The following PCNX3 variants were observed in gnomAD, a reference collection of about 807,000 sequenced individuals.
The protein encoded by PCNX3 is pecanex 3, also known as pecanex-like protein 3.
Under a neutral mutation model 207.2 loss-of-function variants are expected in PCNX3, and 58 were observed. The ratio of observed to expected loss-of-function variants is 0.28; its 90% CI spans 0.23 to 0.35. The LOEUF (loss-of-function observed/expected upper bound fraction) is 0.35. Among genes scored for constraint, PCNX3 ranks in the 10% least tolerant of loss-of-function variants. PCNX3 has a pLI of 1.00. For missense variants in PCNX3, 2,410 were observed against 2,774.4 expected (o/e 0.87, Z 2.95); for synonymous variants, 1,337 against 1,183.5 (o/e 1.13, Z -2.66).
rs777675611 is a variant in PCNX3 at position 65,616,957 on chromosome 11, C to G, written c.287C>G (p.Ser96Cys). Residue 96 changes from serine (S) to cysteine (C), a missense_variant, in exon 2 of 35, where the codon TCT (serine) becomes TGT (cysteine). Physicochemically the swap from Ser to Cys is moderately radical, Grantham distance 112. Around this residue, in one of 8 missense-constraint regions of PCNX3, gnomAD observed 1,104 missense variants for 970.3 expected, o/e 1.14. Coordinates refer to ENST00000355703, the MANE Select transcript of PCNX3 (RefSeq NM_032223.4). ...GGCGAGATCGTGGAGAAGCGCAGCTCTACCATGGGGGAGCTGGAGGAAGAG... is the reference window on the plus strand; with the variant it reads ...GGCGAGATCGTGGAGAAGCGCAGCTGTACCATGGGGGAGCTGGAGGAAGAG... The part of the protein sequence containing the change: ...DQGEIVEKRS[S>C]TMGELEEEPA... 1 of 1,613,280 alleles carries G rather than the reference C, an allele frequency of 6.2e-7. No homozygotes were observed. Among genetic ancestry groups the G allele is most frequent in the Non-Finnish European group, 8.5e-7 (1 of 1,179,816 alleles).
At chr11:65,623,448 G>A (rs1855215948) in intron 11 of PCNX3, 43 bp from the exon 12 acceptor site, 1 of 1,541,512 alleles carries the variant, frequency 6.5e-7, no homozygotes, top group Admixed American at 2.0e-5. Context: ...CCCACTGGAA[G>A]GTGAGGCAAG....
At position 65,616,310 on chromosome 11, in the gene PCNX3, C is replaced by T. The variant is rs752526164; in HGVS notation, c.-2C>T. The T allele has an allele frequency of 1.9e-6, 3 of 1,572,832 alleles. No individual in the cohort carries two copies. Among genetic ancestry groups the T allele is most frequent in the South Asian group, 1.1e-5 (1 of 87,612 alleles). On this transcript the variant is annotated 5_prime_UTR_variant, in exon 1 of 35. Transcript: ENST00000355703. ...GGGGGCGCGGGCAGCAGCGGCGGGG[C>T]CATGGGGTCGCAGGTGTTGCAGATC...
chr11:65,624,859 C>A, intron 15 of PCNX3, 66 bp from the exon 16 acceptor site: 1 of 1,466,612 alleles, frequency 6.8e-7, no homozygotes, highest in South Asian at 1.2e-5. Flanking sequence ...TGAGGGGAAG[C>A]GCGGCTAGGG....
chr11:65,619,631 TCC>T lies in PCNX3; in HGVS notation c.1801_1802del (p.Pro601SerfsTer49). The T allele has an allele frequency of 6.2e-7, 1 of 1,601,784 alleles. No individual in the cohort carries two copies. Among genetic ancestry groups the T allele is most frequent in the Admixed American group, 1.7e-5 (1 of 59,570 alleles). ...RHNAGSNPTP[P>X]ASVMGSPPSS... ...ACAATGCAGGCAGCAACCCCACCCC[TCC>T]AGCCTCTGTCATGGGCTCGCCGCCC... On this transcript the variant is annotated frameshift_variant, in exon 7 of 35. Transcript: ENST00000355703. LOFTEE classifies it high-confidence loss of function.
intron 11 of PCNX3, 137 bp from the exon 12 acceptor site, chr11:65,623,354 G>GT: frequency 8.6e-7 from 1 of 1,165,560 alleles, no homozygotes; most frequent in East Asian, 2.8e-5. Context: ...AGTTATAGGT[G>GT]TTCACATCTT....
At position 65,625,595 on chromosome 11, in the gene PCNX3, T is replaced by TGGGCAGCTGAGTGTCTCTCCTGGCC. The variant is rs1239199033; in HGVS notation, c.3136-46_3136-22dup. On this transcript the variant is annotated intron_variant, in intron 18 of 34. Transcript: ENST00000355703. The surrounding 1 kb of genome is among the most constrained non-coding windows in gnomAD (Gnocchi z 5.6). Reference sequence around the variant, plus strand: ...GAGGGGCATGTCCAGCTTGGGCTGCTGGGCAGCTGAGTGTCTCTCCTGGCC... The same window carrying TGGGCAGCTGAGTGTCTCTCCTGGCC: ...GAGGGGCATGTCCAGCTTGGGCTGCTGGGCAGCTGAGTGTCTCTCCTGGCCGGGCAGCTGAGTGTCTCTCCTGGCC... 1.0e-5 allele frequency: 16 copies of TGGGCAGCTGAGTGTCTCTCCTGGCC among 1,595,642 alleles called. No homozygotes were observed. Among genetic ancestry groups the TGGGCAGCTGAGTGTCTCTCCTGGCC allele is most frequent in the Non-Finnish European group, 1.3e-5 (15 of 1,170,636 alleles).
rs758027900 is a variant in PCNX3, at chr11:65,617,328, G to T, written c.420G>T (p.Val140=). ...TGCGCTGCAGCTCCCAGCACTCTGT[G>T]TTTGGCTTCAACCAGGTCTCGGTGA... is the stretch of plus-strand genomic sequence containing the variant. ...PPVRCSSQHS[V]FGFNQVSELL... The change falls in exon 3 of 35, where the codon GTG becomes GTT. Residue 140 remains valine, a synonymous_variant. Coordinates refer to ENST00000355703, the MANE Select transcript of PCNX3 (RefSeq NM_032223.4). 1 of 1,613,106 alleles carries T rather than the reference G, an allele frequency of 6.2e-7. No homozygotes were observed. Among genetic ancestry groups the T allele is most frequent in the Non-Finnish European group, 8.5e-7 (1 of 1,179,556 alleles).
intron 25 of PCNX3, 46 bp from the exon 26 acceptor site, chr11:65,629,474 G>C: frequency 6.2e-7 from 1 of 1,611,072 alleles, no homozygotes; most frequent in African/African-American, 1.3e-5. Context: ...AGGGAGCCTC[G>C]CTAACTTGTC....
rs1565172977 is a variant in PCNX3 at position 65,635,195 on chromosome 11, C to G, written c.4954-23C>G. On this transcript the variant is annotated intron_variant, in intron 30 of 34. Transcript: ENST00000355703. The surrounding 1 kb of genome is among the most constrained non-coding windows in gnomAD (Gnocchi z 9.9). ...CTCTCCAGGGCAGGGGCCACTGACC[C>G]CTGTTCCCGTCTTCTCTACCAGGAC... 3 of 1,594,656 alleles carry G rather than the reference C, an allele frequency of 1.9e-6. No individual in the cohort carries two copies. In the East Asian group the frequency reaches 6.8e-5, roughly 36 times the overall value.
chr11:65,625,623 G>C lies in PCNX3; in HGVS notation c.3136-29G>C. 1 of 1,602,690 alleles carries C rather than the reference G, an allele frequency of 6.2e-7. No individual in the cohort carries two copies. Among genetic ancestry groups the C allele is most frequent in the East Asian group, 2.2e-5 (1 of 44,664 alleles). ...GCAGCTGAGTGTCTCTCCTGGCCGG[G>C]CAGCTGAATGTCTCTCCTGGCCCTG... On this transcript the variant is annotated intron_variant, in intron 18 of 34. Transcript: ENST00000355703. This position sits in a 1 kb window ranked among gnomAD's most constrained non-coding sequence, Gnocchi z 5.6.
chr11:65,619,391 G>A (rs1377790399), intron 6 of PCNX3, 146 bp from the exon 7 acceptor site: 1 of 1,420,704 alleles, frequency 7.0e-7, no homozygotes, highest in African/African-American at 1.4e-5. Context: ...AACTGAGCAT[G>A]GGGCTGTGTG....
Position 65,625,832 on chromosome 11 carries a change from T to C in PCNX3, c.3229-72T>C. On this transcript the variant is annotated intron_variant, in intron 19 of 34. Transcript: ENST00000355703. This position sits in a 1 kb window ranked among gnomAD's most constrained non-coding sequence, Gnocchi z 5.6. Reference sequence around the variant, plus strand: ...TGCCGTGGGCAGCCCCTCCCCGGCCTGTGCCAGGTGGCCCTCTGTGGTCCC... The same window carrying C: ...TGCCGTGGGCAGCCCCTCCCCGGCCCGTGCCAGGTGGCCCTCTGTGGTCCC... The C allele has an allele frequency of 6.3e-7, 1 of 1,597,412 alleles. No homozygotes were observed. Among genetic ancestry groups the C allele is most frequent in the Non-Finnish European group, 8.5e-7 (1 of 1,171,100 alleles).
Position 65,625,820 on chromosome 11 carries a change from C to T in PCNX3, c.3228+76C>T. The T allele has an allele frequency of 6.3e-7, 1 of 1,595,214 alleles. No individual in the cohort carries two copies. Among genetic ancestry groups the T allele is most frequent in the Non-Finnish European group, 8.5e-7 (1 of 1,170,640 alleles). Reference sequence around the variant, plus strand: ...GCTCAATCTGAGTGCCGTGGGCAGCCCCTCCCCGGCCTGTGCCAGGTGGCC... The same window carrying T: ...GCTCAATCTGAGTGCCGTGGGCAGCTCCTCCCCGGCCTGTGCCAGGTGGCC... On this transcript the variant is annotated intron_variant, in intron 19 of 34. Transcript: ENST00000355703. This position sits in a 1 kb window ranked among gnomAD's most constrained non-coding sequence, Gnocchi z 5.6.
At position 65,623,618 on chromosome 11, in the gene PCNX3, G is replaced by A. The variant is rs772906684; in HGVS notation, c.2485G>A (p.Ala829Thr). The stretch of plus-strand genomic sequence containing the variant: ...GGTCTTCCAGTTCTGCCTGGTCATC[G>A]CCTCCTGCCAGTACTCCTTGCTGAA... ...IWVFQFCLVI[A>T]SCQYSLLKSV... is the part of the protein sequence containing the mutation. Residue 829 changes from alanine (A) to threonine (T), a missense_variant, in exon 12 of 35, where the codon GCC (alanine) becomes ACC (threonine). Around this residue, in one of 8 missense-constraint regions of PCNX3, gnomAD observed 177 missense variants for 257.5 expected, o/e 0.69. Coordinates refer to ENST00000355703, the MANE Select transcript of PCNX3 (RefSeq NM_032223.4). 1 of 1,613,764 alleles carries A rather than the reference G, an allele frequency of 6.2e-7. No homozygotes were observed. Among genetic ancestry groups the A allele is most frequent in the Non-Finnish European group, 8.5e-7 (1 of 1,179,756 alleles).
In PCNX3 at chr11:65,636,648, C is replaced by G; in HGVS notation, c.5851C>G (p.Pro1951Ala). 1 of 1,584,688 alleles carries G rather than the reference C, an allele frequency of 6.3e-7. No individual in the cohort carries two copies. Reference protein sequence around the residue: ...RKGLGGSDGEPASGSPKGGTP... With the variant: ...RKGLGGSDGEAASGSPKGGTP... ...GGGGCTGGGAGGATCTGACGGGGAG[C>G]CAGCCTCAGGGAGCCCCAAAGGAGG... The change falls in exon 34 of 35, where the codon CCA becomes GCA. Residue 1951 changes from proline to alanine, a missense_variant. Physicochemically the swap from Pro to Ala is conservative, Grantham distance 27 (BLOSUM62 -1). Transcript: ENST00000355703.
chr11:65,629,548 C>T lies in PCNX3; in HGVS notation c.4029C>T (p.Ile1343=), dbSNP rs1217593484. The T allele has an allele frequency of 1.9e-6, 3 of 1,613,744 alleles. No homozygotes were observed. Among genetic ancestry groups the T allele is most frequent in the South Asian group, 1.1e-5 (1 of 91,066 alleles). ...PGADDNNLNS[I]FYEHLTRSLQ... ...CTGATGACAACAACCTCAACTCCAT[C>T]TTCTATGAGCACTTGACACGTTCGC... The change falls in exon 26 of 35, where the codon ATC becomes ATT. Residue 1343 remains isoleucine, a synonymous_variant. Transcript: ENST00000355703.
In PCNX3 at chr11:65,619,614, G is replaced by A; in HGVS notation, c.1783G>A (p.Gly595Ser). The stretch of plus-strand genomic sequence containing the variant: ...GGCCATTCGGAGACGCCACAATGCA[G>A]GCAGCAACCCCACCCCTCCAGCCTC... Reference protein sequence around the residue: ...TQAIRRRHNAGSNPTPPASVM... With the variant: ...TQAIRRRHNASSNPTPPASVM... Residue 595 changes from glycine (G) to serine (S), a missense_variant, in exon 7 of 35, where the codon GGC becomes AGC. Around this residue, in one of 8 missense-constraint regions of PCNX3, gnomAD observed 1,104 missense variants for 970.3 expected, o/e 1.14. Coordinates refer to ENST00000355703, the MANE Select transcript of PCNX3 (RefSeq NM_032223.4). 6.2e-7 allele frequency: 1 copy of A among 1,605,288 alleles called. No homozygotes were observed. Among genetic ancestry groups the A allele is most frequent in the Non-Finnish European group, 8.5e-7 (1 of 1,178,726 alleles).
chr11:65,619,664 AG>A lies in PCNX3; in HGVS notation c.1829+5del, dbSNP rs1854972168. The A allele has an allele frequency of 6.3e-7, 1 of 1,594,054 alleles. No homozygotes were observed. Among genetic ancestry groups the A allele is most frequent in the African/African-American group, 1.3e-5 (1 of 74,762 alleles). ...CTGTCATGGGCTCGCCGCCCAGGTG[AG>A]CACCTTGCCAGCTGTGCCGAGGGGC... is the stretch of plus-strand genomic sequence containing the variant. On this transcript the variant is annotated splice_donor_5th_base_variant and intron_variant, in intron 7 of 34. Coordinates refer to ENST00000355703, the MANE Select transcript of PCNX3 (RefSeq NM_032223.4).
Position 65,636,405 on chromosome 11 carries a change from C to T in PCNX3, c.5608C>T (p.Pro1870Ser). 6.4e-7 allele frequency: 1 copy of T among 1,557,060 alleles called. No homozygotes were observed. The highest frequency in any genetic ancestry group is 8.7e-7 in the Non-Finnish European group (1 of 1,151,996). The change falls in exon 34 of 35, where the codon CCC becomes TCC. Residue 1870 changes from proline to serine, a missense_variant. Physicochemically the swap from Pro to Ser is moderately conservative, Grantham distance 74 (BLOSUM62 -1). Around this residue, in one of 8 missense-constraint regions of PCNX3, gnomAD observed 278 missense variants for 245.1 expected, o/e 1.13. Coordinates refer to ENST00000355703, the MANE Select transcript of PCNX3 (RefSeq NM_032223.4). ...GTCTCCTACAGGCAATGGTGACCAA[C>T]CCCTCCCACCAGGCCCTGGCTGGGG... ...PENTAGNGDQPLPPGPGWGPR... is the reference protein window; with the variant it reads ...PENTAGNGDQSLPPGPGWGPR...
Sources: gnomAD v4.1 joint callset for allele counts on GRCh38, gnomAD v4.1.1 for gene constraint, gnomAD v4.1.1 regional missense constraint, Gnocchi (gnomAD v3.1) non-coding constraint, MANE v1.5 for transcripts, NCBI Gene and HGNC (gene_info 2026-07-23, HGNC 2026-07-21) for gene names.